LPCAT2: variants seen among roughly 807,000 people sequenced by gnomAD.
LPCAT2 encodes 1-AGP acyltransferase 11.
Under a neutral mutation model 64.7 loss-of-function variants are expected in LPCAT2, and 58 were observed. That is an observed-to-expected ratio of 0.90 (90% CI 0.73 to 1.12). The LOEUF (loss-of-function observed/expected upper bound fraction) is 1.12, where lower values mean the gene tolerates loss of function less well. Among genes scored for constraint, LPCAT2 ranks in the 50% most tolerant of loss-of-function variants. The pLI is 0.00. For synonymous variants in LPCAT2, 252 were observed against 245.3 expected (o/e 1.03, Z -0.26); for missense variants, 579 against 669.8 (o/e 0.86, Z 1.50).
intron 11 of LPCAT2, among the ~76,000 whole-genome samples, chr16:55,568,194 G>A (rs765895324): frequency 6.6e-6 from 1 of 152,122 alleles, no homozygotes; most frequent in Admixed American, 6.6e-5. Context: ...TGTAAAGAGA[G>A]TCAAAGACAT....
Position 55,514,729 on chromosome 16 carries a change from T to C in LPCAT2, c.171+5377T>C, listed in dbSNP as rs184284468. Reference sequence around the variant, plus strand: ...AGTTTAAAAAGCAGTCAATACAAACTTTCCCTGAGAAAGCCCAGACTTTAG... The same window carrying C: ...AGTTTAAAAAGCAGTCAATACAAACCTTCCCTGAGAAAGCCCAGACTTTAG... On this transcript the variant is annotated intron_variant, in intron 1 of 13. Transcript: ENST00000262134. 8.1e-4 allele frequency among the ~76,000 whole-genome samples: 124 copies of C among 152,294 alleles called. 1 individual carries two copies. In the South Asian group the frequency reaches 0.017, roughly 21 times the overall value.
chr16:55,530,975 C>T (rs1395899832), intron 4 of LPCAT2, among the ~76,000 whole-genome samples: 3 of 152,062 alleles, frequency 2.0e-5, no homozygotes, highest in African/African-American at 7.2e-5. Context: ...GCCCTTCCAG[C>T]TCTGAGATTT....
chr16:55,577,299 A>G (rs1289344506), intron 12 of LPCAT2, among the ~76,000 whole-genome samples: 4 of 136,820 alleles, frequency 2.9e-5, no homozygotes, highest in Admixed American at 7.6e-5. Flanking sequence ...GTATTTGCTT[A>G]TTATTTTTTT....
chr16:55,560,106 A>C (rs1240047358), intron 11 of LPCAT2, among the ~76,000 whole-genome samples: 1 of 152,180 alleles, frequency 6.6e-6, no homozygotes, highest in East Asian at 1.9e-4. Flanking sequence ...GGCCTCCTCC[A>C]AGAGCACAAG....
chr16:55,549,196 G>A, intron 9 of LPCAT2, 81 bp from the exon 10 acceptor site: 4 of 1,163,274 alleles, frequency 3.4e-6, no homozygotes, highest in Non-Finnish European at 4.8e-6. Flanking sequence ...CTGTCGTTTG[G>A]AACCAGTTAA....
chr16:55,537,963 C>T (rs765191330), intron 8 of LPCAT2, among the ~76,000 whole-genome samples: 2 of 152,216 alleles, frequency 1.3e-5, no homozygotes, highest in African/African-American at 2.4e-5. Context: ...TAGAGCCCCA[C>T]ACCTCCTTAA....
chr16:55,558,123 A>G (rs1963597762), intron 11 of LPCAT2, among the ~76,000 whole-genome samples: 1 of 152,232 alleles, frequency 6.6e-6, no homozygotes, highest in East Asian at 1.9e-4. Flanking sequence ...AAATGTCCAG[A>G]TGAGTGAGAG....
intron 11 of LPCAT2, among the ~76,000 whole-genome samples, chr16:55,554,546 G>T (rs1054422794): frequency 3.9e-5 from 6 of 152,142 alleles, no homozygotes; most frequent in African/African-American, 1.4e-4. Context: ...AAATGTTGTG[G>T]CTTTGACCTT....
chr16:55,552,756 A>ACCC (rs1963531410), intron 11 of LPCAT2, among the ~76,000 whole-genome samples: 2 of 152,260 alleles, frequency 1.3e-5, no homozygotes, highest in Non-Finnish European at 2.9e-5. Flanking sequence ...CTGCTAAAAA[A>ACCC]TGTGAGCAAT....
chr16:55,554,270 G>A (rs754093455), intron 11 of LPCAT2, among the ~76,000 whole-genome samples: 19 of 152,114 alleles, frequency 1.2e-4, no homozygotes, highest in Non-Finnish European at 2.1e-4. Flanking sequence ...AGTCGTAGAT[G>A]GCATTTTCTT....
chr16:55,511,077 C>G (rs974950629), intron 1 of LPCAT2, among the ~76,000 whole-genome samples: 5 of 152,112 alleles, frequency 3.3e-5, no homozygotes, highest in Admixed American at 6.5e-5. Context: ...GTCACTTAAC[C>G]TCTCTGAACT....
intron 9 of LPCAT2, among the ~76,000 whole-genome samples, chr16:55,547,521 A>G (rs1488736789): frequency 6.6e-6 from 1 of 152,192 alleles, no homozygotes; most frequent in Non-Finnish European, 1.5e-5. Flanking sequence ...TCTATGATAT[A>G]AGTAAGAAAG....
At chr16:55,536,224 A>T (rs1252479456) in intron 7 of LPCAT2, among the ~76,000 whole-genome samples, 1 of 152,198 alleles carries the variant, frequency 6.6e-6, no homozygotes, top group Non-Finnish European at 1.5e-5. Context: ...ATTTTATACC[A>T]AAACGAATAT....
At chr16:55,566,655 A>G (rs1220288437) in intron 11 of LPCAT2, 8 of 1,299,844 alleles carry the variant, frequency 6.2e-6, no homozygotes, top group Non-Finnish European at 8.3e-6. Flanking sequence ...AAGCAGGTAA[A>G]GAAAAGCCAG....
At chr16:55,515,271 C>T (rs958375921) in intron 1 of LPCAT2, among the ~76,000 whole-genome samples, 11 of 151,878 alleles carry the variant, frequency 7.2e-5, no homozygotes. Context: ...ACAAAGAATC[C>T]TCAACAAGAT....
chr16:55,531,694 A>T (rs1409466103), intron 4 of LPCAT2, among the ~76,000 whole-genome samples: 4 of 152,314 alleles, frequency 2.6e-5, no homozygotes, highest in African/African-American at 7.2e-5. Context: ...TATATTCTTT[A>T]TTCAAAGCTT....
chr16:55,509,596 G>T (rs1262076996), intron 1 of LPCAT2, among the ~76,000 whole-genome samples: 1 of 151,400 alleles, frequency 6.6e-6, no homozygotes, highest in African/African-American at 2.4e-5. Flanking sequence ...GACTGGTGTA[G>T]GTCTGACGGG....
chr16:55,541,149 G>A (rs1963391237), intron 8 of LPCAT2: 1 of 152,104 alleles, frequency 6.6e-6, no homozygotes, highest in South Asian at 2.1e-4. Flanking sequence ...ACCACGGAAA[G>A]CAAAATCCCA....
At chr16:55,555,661 AC>A (rs1398228146) in intron 11 of LPCAT2, among the ~76,000 whole-genome samples, 1 of 152,170 alleles carries the variant, frequency 6.6e-6, no homozygotes. Context: ...CTGTTAAGCA[AC>A]CTTCTTTTAG....
Sources: gnomAD v4.1 joint callset for allele counts (sites outside exome capture counted in the v4.1 genomes callset) on GRCh38, gnomAD v4.1.1 for gene constraint, MANE v1.5 for transcripts, NCBI Gene and HGNC (gene_info 2026-07-23, HGNC 2026-07-21) for gene names.